Variants in AFG2A observed in about 807,000 individuals in gnomAD.
The protein encoded by AFG2A is ATPase family gene 2 protein homolog A.
chr4:123,264,416 AG>A, the AFG2A span, among the ~76,000 whole-genome samples: 1 of 152,216 alleles, frequency 6.6e-6, no homozygotes, highest in African/African-American at 2.4e-5. Flanking sequence ...ACCTGCCATG[AG>A]GTACAGCACT....
chr4:123,151,609 C>A, the AFG2A span, among the ~76,000 whole-genome samples: 269 of 152,176 alleles, frequency 1.8e-3, 6 homozygotes, highest in East Asian at 0.043. Flanking sequence ...GAATGGTGAT[C>A]ATTAAAAAGT....
chr4:123,066,562 T>A, the AFG2A span, among the ~76,000 whole-genome samples: 177 of 152,230 alleles, frequency 1.2e-3, no homozygotes, highest in African/African-American at 4.1e-3. Flanking sequence ...TATCAGGATT[T>A]AGGATAGAAA....
the AFG2A span, among the ~76,000 whole-genome samples, chr4:122,967,943 G>A: frequency 2.6e-5 from 4 of 151,988 alleles, no homozygotes; most frequent in African/African-American, 9.7e-5. Flanking sequence ...TGTACATATG[G>A]ATACTTAGAA....
the AFG2A span, chr4:123,260,173 T>G: frequency 6.6e-6 from 1 of 152,196 alleles, no homozygotes. Context: ...ATGTAAAAAT[T>G]TGCTTACTAT....
At chr4:123,131,022 C>G in the AFG2A span, among the ~76,000 whole-genome samples, 1 of 151,746 alleles carries the variant, frequency 6.6e-6, no homozygotes, top group Non-Finnish European at 1.5e-5. Context: ...CCAGCAATAT[C>G]AGGCATCTCT....
the AFG2A span, among the ~76,000 whole-genome samples, chr4:122,949,424 C>T: frequency 5.3e-5 from 8 of 152,152 alleles, no homozygotes; most frequent in African/African-American, 1.7e-4. Flanking sequence ...TACCAAGTAT[C>T]GAAGTGGCCC....
At chr4:123,035,150 A>G in the AFG2A span, among the ~76,000 whole-genome samples, 1 of 152,200 alleles carries the variant, frequency 6.6e-6, no homozygotes, top group East Asian at 1.9e-4. Context: ...CCCCAAACCC[A>G]GACCCCAACA....
the AFG2A span, among the ~76,000 whole-genome samples, chr4:122,945,305 C>T: frequency 1.5e-3 from 236 of 152,338 alleles, no homozygotes; most frequent in African/African-American, 4.0e-3. Flanking sequence ...TTCAAGCTTC[C>T]GGGCTGCGGC....
the AFG2A span, among the ~76,000 whole-genome samples, chr4:123,224,701 T>G: frequency 0.022 from 3,284 of 152,270 alleles, 65 homozygotes; most frequent in Non-Finnish European, 0.035. Context: ...AGCAGCATGA[T>G]TTATAATCAT....
At chr4:123,253,701 G>GT in the AFG2A span, among the ~76,000 whole-genome samples, 4 of 151,968 alleles carry the variant, frequency 2.6e-5, no homozygotes, top group East Asian at 1.9e-4. Flanking sequence ...GTAGATATGG[G>GT]TTTTTTCTTC....
At chr4:123,265,661 G>T in the AFG2A span, among the ~76,000 whole-genome samples, 2 of 152,122 alleles carry the variant, frequency 1.3e-5, no homozygotes, top group African/African-American at 4.8e-5. Flanking sequence ...ATGAGAGGCT[G>T]GTTAGCAACA....
chr4:123,107,359 A>G, the AFG2A span, among the ~76,000 whole-genome samples: 1 of 152,256 alleles, frequency 6.6e-6, no homozygotes, highest in African/African-American at 2.4e-5. Context: ...ATTGAACAAC[A>G]GAACAGCTCT....
the AFG2A span, among the ~76,000 whole-genome samples, chr4:123,174,903 T>A: frequency 6.6e-6 from 1 of 152,014 alleles, no homozygotes; most frequent in Non-Finnish European, 1.5e-5. Context: ...CGATCACGGC[T>A]CACTGCACCC....
At chr4:123,231,812 G>A in the AFG2A span, among the ~76,000 whole-genome samples, 4,835 of 151,878 alleles carry the variant, frequency 0.032, 268 homozygotes, top group African/African-American at 0.11. Flanking sequence ...GTGTCTCAGG[G>A]CATAGGAAGG....
the AFG2A span, among the ~76,000 whole-genome samples, chr4:123,161,004 C>T: frequency 6.6e-6 from 1 of 152,170 alleles, no homozygotes; most frequent in African/African-American, 2.4e-5. Flanking sequence ...GATTTTCAGA[C>T]TGAGGTTGAC....
At chr4:123,218,657 A>G in the AFG2A span, among the ~76,000 whole-genome samples, 2 of 148,670 alleles carry the variant, frequency 1.3e-5, no homozygotes, top group East Asian at 1.9e-4. Context: ...ACATACATAC[A>G]TACATACATA....
At chr4:122,954,825 G>T in the AFG2A span, among the ~76,000 whole-genome samples, 25 of 48,218 alleles carry the variant, frequency 5.2e-4, no homozygotes, top group African/African-American at 8.8e-4. Flanking sequence ...TGCTTAGTTA[G>T]ATCCACCCCC....
the AFG2A span, among the ~76,000 whole-genome samples, chr4:123,000,498 A>G: frequency 6.6e-6 from 1 of 151,526 alleles, no homozygotes; most frequent in Non-Finnish European, 1.5e-5. Flanking sequence ...TAATTTATTG[A>G]GAGTTTTTAG....
the AFG2A span, among the ~76,000 whole-genome samples, chr4:123,208,435 C>T: frequency 6.6e-6 from 1 of 152,138 alleles, no homozygotes; most frequent in South Asian, 2.1e-4. Context: ...TTTAATGGAA[C>T]CTCTTGGCTT....
Sources: allele counts gnomAD v4.1 joint callset (sites outside exome capture counted in the v4.1 genomes callset), GRCh38; gene constraint gnomAD v4.1.1; transcripts MANE v1.5; gene names NCBI Gene and HGNC (gene_info 2026-07-23, HGNC 2026-07-21).